Variants in ABCG1 observed in about 807,000 individuals in gnomAD.
The protein encoded by ABCG1 is ATP-binding cassette sub-family G member 1.
Under a neutral mutation model 69.2 loss-of-function variants are expected in ABCG1, and 29 were observed. The ratio of observed to expected loss-of-function variants is 0.42; its 90% CI spans 0.31 to 0.57. ABCG1 has a LOEUF of 0.57. Ranked by LOEUF, ABCG1 falls within the 20% of genes least tolerant of loss-of-function variation. The probability of loss-of-function intolerance (pLI) is 0.15; values close to 1 mark genes in which losing one functional copy is unlikely to be tolerated. For synonymous variants in ABCG1, 370 were observed against 374.8 expected (o/e 0.99, Z 0.15); for missense variants, 718 against 898.1 (o/e 0.80, Z 2.56).
chr21:42,201,700 A>G (rs984828878), exon 2 of ABCG1: 46 of 1,613,954 alleles, frequency 2.9e-5, no homozygotes, highest in Non-Finnish European at 3.6e-5. Flanking sequence ...GGGGTGGACA[A>G]AACAGAGAAA....
chr21:42,201,650 C>T (rs377148060), exon 2 of ABCG1: 466 of 1,600,632 alleles, frequency 2.9e-4, no homozygotes, highest in Non-Finnish European at 3.8e-4. Context: ...CAGGGATCAC[C>T]GACTCTGTGC....
chr21:42,226,151 C>A (rs1279529804), intron 2 of ABCG1, among the ~76,000 whole-genome samples: 2 of 152,170 alleles, frequency 1.3e-5, no homozygotes, highest in African/African-American at 2.4e-5. Context: ...TCTGCGATGT[C>A]ATTATGGAGA....
Position 42,287,802 on chromosome 21 carries a change from T to A in ABCG1, c.974-87T>A, listed in dbSNP as rs573808737. 25 of 1,369,610 alleles carry A rather than the reference T, an allele frequency of 1.8e-5. No individual in the cohort carries two copies. The South Asian group carries it at 3.5e-4, about 19-fold the overall frequency. The allele number at this position is 1,369,610 out of a possible 1,614,324, so 84.8% of individuals were successfully genotyped here. A position where few individuals can be genotyped will look rare whatever the true frequency, so the allele number is the denominator to read the frequency against. On this transcript the variant is annotated intron_variant, in intron 8 of 14. Transcript: ENST00000398449. The surrounding 1 kb of genome is among the most constrained non-coding windows in gnomAD (Gnocchi z 6.2). ...GCATCTATGTAATCGCTTTAAAACA[T>A]TCCCACTTGAATAACGACTTTCGCA...
chr21:42,259,775 TAGGAAG>T (rs2068373870), intron 2 of ABCG1, among the ~76,000 whole-genome samples: 1 of 152,240 alleles, frequency 6.6e-6, no homozygotes, highest in Non-Finnish European at 1.5e-5. Flanking sequence ...GGTCATGGTT[TAGGAAG>T]AGGCAGAGGT....
chr21:42,258,350 CCTCTATTCCTCCCTCCATCCCTCT>C (rs2068344920), intron 2 of ABCG1, among the ~76,000 whole-genome samples: 1 of 150,780 alleles, frequency 6.6e-6, no homozygotes, highest in Admixed American at 6.6e-5. Flanking sequence ...TCCATCCCTC[CCTCTATTCCTCCCTCCATCCCTCT>C]TTCCATCTCT....
chr21:42,221,189 C>G (rs1296880474), intron 1 of ABCG1: 1 of 152,110 alleles, frequency 6.6e-6, no homozygotes, highest in Non-Finnish European at 1.5e-5. Flanking sequence ...AGCTGTCCCA[C>G]CCTGAAAGCA....
intron 2 of ABCG1, among the ~76,000 whole-genome samples, chr21:42,241,626 A>T (rs1366180216): frequency 6.6e-6 from 1 of 151,668 alleles, no homozygotes; most frequent in Non-Finnish European, 1.5e-5. Flanking sequence ...ATAACAAAAA[A>T]AAAACAAAAC....
chr21:42,235,208 G>T (rs1421568226), intron 2 of ABCG1, among the ~76,000 whole-genome samples: 1 of 152,242 alleles, frequency 6.6e-6, no homozygotes, highest in African/African-American at 2.4e-5. Flanking sequence ...ACCCGGGGCG[G>T]CCTGCGCTCC....
upstream of ABCG1, among the ~76,000 whole-genome samples, chr21:42,218,900 C>T (rs551588922): frequency 6.6e-6 from 1 of 152,340 alleles, no homozygotes; most frequent in South Asian, 2.1e-4. Context: ...CTGGCCCAGC[C>T]CCCGCGAGTT....
Position 42,290,043 on chromosome 21 carries a change from TC to T in ABCG1, c.1225-3del. 3.7e-6 allele frequency: 6 copies of T among 1,614,234 alleles called. No homozygotes were observed. Among genetic ancestry groups the T allele is most frequent in the Non-Finnish European group, 4.2e-6 (5 of 1,180,044 alleles). On this transcript the variant is annotated splice_region_variant and splice_polypyrimidine_tract_variant and intron_variant, in intron 10 of 14. Coordinates refer to ENST00000398449, the MANE Select transcript of ABCG1 (RefSeq NM_016818.3). ...ACGCACTGGGTAAGATGCGGGTCTG[TC>T]CCCAGGTCCTGACACACCTGCGCAT...
At chr21:42,250,141 T>C (rs965345117) in intron 2 of ABCG1, among the ~76,000 whole-genome samples, 2 of 151,990 alleles carry the variant, frequency 1.3e-5, no homozygotes, top group Admixed American at 1.3e-4. Context: ...ATTCTAAGTC[T>C]AAACCACTGA....
chr21:42,293,151 A>C (rs1195479935), intron 13 of ABCG1, among the ~76,000 whole-genome samples: 2 of 143,908 alleles, frequency 1.4e-5, no homozygotes, highest in East Asian at 2.2e-4. Context: ...TACACACCAC[A>C]CACGGTACAC....
In ABCG1 at chr21:42,290,302, A is replaced by C; in HGVS notation, c.1393+84A>C. The C allele has an allele frequency of 3.5e-6, 5 of 1,447,122 alleles. No individual in the cohort carries two copies. The South Asian group carries it at 6.6e-5, about 19-fold the overall frequency. The allele number at this position is 1,447,122 out of a possible 1,614,324, so 89.6% of individuals were successfully genotyped here. ...GGCCTGAAGTCACGCCTTGACCAAC[A>C]GATGAGTTTTCTAAACACAATGTTT... is the stretch of plus-strand genomic sequence containing the variant. On this transcript the variant is annotated intron_variant, in intron 11 of 14. Transcript: ENST00000398449.
In ABCG1 at chr21:42,284,268, T is replaced by C. The variant is rs549323343; in HGVS notation, c.735-292T>C. 5.5e-4 allele frequency among the ~76,000 whole-genome samples: 69 copies of C among 125,792 alleles called. 1 individual carries two copies. Among genetic ancestry groups the C allele is most frequent in the Middle Eastern group, 4.0e-3 (1 of 248 alleles). 82.5% of individuals were successfully genotyped at this position (125,792 alleles called of 152,430 possible). ...CCTGGATAGTTGTGAAGTCCCTCCC[T>C]GCCCAGATGAGTGGGGACCCCCCCC... On this transcript the variant is annotated intron_variant, in intron 6 of 14. Transcript: ENST00000398449.
At chr21:42,274,748 C>T (rs1258944349) in intron 4 of ABCG1, among the ~76,000 whole-genome samples, 3 of 151,660 alleles carry the variant, frequency 2.0e-5, no homozygotes, top group African/African-American at 7.3e-5. Flanking sequence ...GCTAGGATTA[C>T]AGGTGTGAGC....
chr21:42,290,273 T>C, intron 11 of ABCG1, 55 bp downstream of exon 11: 1 of 1,580,634 alleles, frequency 6.3e-7, no homozygotes, highest in Admixed American at 1.7e-5. Context: ...TACCCAAGCA[T>C]GGGGGCCTGA....
At chr21:42,262,208 G>A (rs1239402700) in intron 2 of ABCG1, among the ~76,000 whole-genome samples, 1 of 152,150 alleles carries the variant, frequency 6.6e-6, no homozygotes, top group Non-Finnish European at 1.5e-5. Context: ...ATACTTCCTA[G>A]CAGAGGCTGC....
intron 3 of ABCG1, among the ~76,000 whole-genome samples, chr21:42,271,806 C>T (rs2068623203): frequency 6.6e-6 from 1 of 152,144 alleles, no homozygotes. Flanking sequence ...ATCATTTGAA[C>T]CCAGGAGGCA....
chr21:42,219,216 C>T lies in ABCG1; in HGVS notation c.-47C>T. On this transcript the variant is annotated 5_prime_UTR_variant, in exon 1 of 15. Coordinates refer to ENST00000398449, the MANE Select transcript of ABCG1 (RefSeq NM_016818.3). The surrounding 1 kb of genome is among the most constrained non-coding windows in gnomAD (Gnocchi z 5.3). Reference sequence around the variant, plus strand: ...GCAGCCTCGGCCCCGCAGCTCAAGCCTCGTCCCCGCCGCCGCCGCCGCCGC... The same window carrying T: ...GCAGCCTCGGCCCCGCAGCTCAAGCTTCGTCCCCGCCGCCGCCGCCGCCGC... The T allele has an allele frequency of 2.0e-6, 3 of 1,477,220 alleles. No homozygotes were observed. Among genetic ancestry groups the T allele is most frequent in the Non-Finnish European group, 2.7e-6 (3 of 1,117,138 alleles). 91.5% of individuals were successfully genotyped at this position (1,477,220 alleles called of 1,614,324 possible). A position where few individuals can be genotyped will look rare whatever the true frequency, so the allele number is the denominator to read the frequency against.
Sources: allele counts gnomAD v4.1 joint callset (sites outside exome capture counted in the v4.1 genomes callset), GRCh38; gene constraint gnomAD v4.1.1; non-coding constraint Gnocchi (gnomAD v3.1); transcripts MANE v1.5; gene names NCBI Gene and HGNC (gene_info 2026-07-23, HGNC 2026-07-21).